Variants in PPP1R10 observed in about 807,000 individuals in gnomAD.
PPP1R10 encodes serine/threonine-protein phosphatase 1 regulatory subunit 10.
A neutral mutation model predicts 99.0 loss-of-function variants in PPP1R10; 15 were observed. The observed-to-expected ratio is 0.15, with a 90% CI of 0.10 to 0.23. The LOEUF (loss-of-function observed/expected upper bound fraction) is 0.23, where lower values mean the gene tolerates loss of function less well. Ranked by LOEUF, PPP1R10 falls within the 10% of genes least tolerant of loss-of-function variation. The pLI, the probability that PPP1R10 is intolerant of heterozygous loss-of-function variation, is 1.00. For synonymous variants in PPP1R10, 430 were observed against 449.5 expected (o/e 0.96, Z 0.55); for missense variants, 947 against 1,259.4 (o/e 0.75, Z 3.75).
At chr6:30,601,679 C>T in intron 19 of PPP1R10, 21 bp from the exon 20 acceptor site, 2 of 1,605,414 alleles carry the variant, frequency 1.2e-6, no homozygotes, top group Non-Finnish European at 1.7e-6. Context: ...GATGGCAAAA[C>T]AGTTAGACAG....
intron 2 of PPP1R10, among the ~76,000 whole-genome samples, chr6:30,615,283 G>T (rs529156615): frequency 1.4e-4 from 21 of 149,528 alleles, no homozygotes; most frequent in Non-Finnish European, 2.5e-4. Flanking sequence ...AATAATCTTT[G>T]ACCTATTTTG....
chr6:30,606,145 G>A lies in PPP1R10; in HGVS notation c.733C>T (p.Arg245Cys). 1 of 1,614,046 alleles carries A rather than the reference G, an allele frequency of 6.2e-7. No homozygotes were observed. The highest frequency in any genetic ancestry group is 8.5e-7 in the Non-Finnish European group (1 of 1,179,992). The change falls in exon 9 of 20, where the codon CGT becomes TGT. Residue 245 changes from arginine to cysteine, a missense_variant. This residue lies in a region of PPP1R10 where 92 missense variants were observed against 159.2 expected (regional missense o/e 0.58). Coordinates refer to ENST00000376511, the MANE Select transcript of PPP1R10 (RefSeq NM_002714.4). This position sits in a 1 kb window ranked among gnomAD's most constrained non-coding sequence, Gnocchi z 6.3. ...KYNLKPIPLK[R>C]QSNVAAPGDA... Reference sequence around the variant, plus strand: ...TGAGAATATGGTCCATACCTCTGACGTTTGAGGGGGATGGGTTTAAGGTTG... The same window carrying A: ...TGAGAATATGGTCCATACCTCTGACATTTGAGGGGGATGGGTTTAAGGTTG...
In PPP1R10 at chr6:30,609,274, C is replaced by A; in HGVS notation, c.108-111G>T. The A allele has an allele frequency of 1.1e-6, 1 of 952,166 alleles. No homozygotes were observed. Among genetic ancestry groups the A allele is most frequent in the Admixed American group, 2.0e-5 (1 of 49,188 alleles). 59.0% of individuals were successfully genotyped at this position (952,166 alleles called of 1,614,324 possible). Reference sequence around the variant, plus strand: ...TTCCTAATGACTTGGGACTTTGCTCCAGAGAAGGGGAGTCACATATACCTC... The same window carrying A: ...TTCCTAATGACTTGGGACTTTGCTCAAGAGAAGGGGAGTCACATATACCTC... On this transcript the variant is annotated intron_variant, in intron 3 of 19. Transcript: ENST00000376511. The surrounding 1 kb of genome is among the most constrained non-coding windows in gnomAD (Gnocchi z 4.5).
intron 2 of PPP1R10, among the ~76,000 whole-genome samples, chr6:30,610,526 GAAC>G (rs1404041468): frequency 1.3e-5 from 2 of 152,126 alleles, no homozygotes; most frequent in Non-Finnish European, 2.9e-5. Context: ...AGATGATGGA[GAAC>G]AAAACAAAAC....
At chr6:30,601,868 C>G (rs1319824415) in intron 19 of PPP1R10, 68 bp downstream of exon 19, 1 of 1,445,954 alleles carries the variant, frequency 6.9e-7, no homozygotes, top group Non-Finnish European at 9.1e-7. Context: ...AGTAGTGACT[C>G]TCACCCACTC....
chr6:30,613,532 A>T (rs1397122027), intron 2 of PPP1R10, among the ~76,000 whole-genome samples: 9 of 152,146 alleles, frequency 5.9e-5, no homozygotes, highest in Admixed American at 3.3e-4. Context: ...CCAAGTAGTA[A>T]GCCCCTACCC....
intron 14 of PPP1R10, 30 bp from the exon 15 acceptor site, chr6:30,603,873 A>G: frequency 6.6e-7 from 1 of 1,525,060 alleles, no homozygotes; most frequent in South Asian, 1.3e-5. Flanking sequence ...TGAGAGAAAA[A>G]AGAATGATAG....
chr6:30,607,957 A>G (rs1374745602), intron 5 of PPP1R10, 66 bp from the exon 6 acceptor site: 6 of 1,522,738 alleles, frequency 3.9e-6, no homozygotes, highest in East Asian at 2.3e-5. Flanking sequence ...TAGAGCTAAA[A>G]ACGACAAAAG....
At chr6:30,617,111 C>T (rs1184653590) in intron 1 of PPP1R10, 113 bp from the exon 2 acceptor site, 1 of 152,796 alleles carries the variant, frequency 6.5e-6, no homozygotes, top group East Asian at 1.9e-4. Context: ...ATCCTGATCG[C>T]AACCGCTTTA....
Position 30,601,418 on chromosome 6 carries a change from TG to T in PPP1R10, c.*130del. 1.4e-6 allele frequency: 1 copy of T among 703,652 alleles called. No individual in the cohort carries two copies. The highest frequency in any genetic ancestry group is 2.4e-6 in the Non-Finnish European group (1 of 415,724). The allele number at this position is 703,652 out of a possible 1,614,324, so 43.6% of individuals were successfully genotyped here. ...GAAAACCCCCAGGAACCCAAGCAAG[TG>T]GGAACTGAGGGGGCCGGCTCCTCAT... is the stretch of plus-strand genomic sequence containing the variant. On this transcript the variant is annotated 3_prime_UTR_variant, in exon 20 of 20. Transcript: ENST00000376511.
intron 2 of PPP1R10, among the ~76,000 whole-genome samples, chr6:30,610,595 C>T (rs1009267769): frequency 5.9e-5 from 9 of 152,262 alleles, no homozygotes; most frequent in African/African-American, 1.7e-4. Context: ...GAGATTGAGA[C>T]AAATGGATGC....
chr6:30,602,010 T>C lies in PPP1R10; in HGVS notation c.2639A>G (p.His880Arg). The C allele has an allele frequency of 1.3e-6, 2 of 1,528,740 alleles. No homozygotes were observed. The highest frequency in any genetic ancestry group is 1.8e-6 in the Non-Finnish European group (2 of 1,136,742). 94.7% of individuals were successfully genotyped at this position (1,528,740 alleles called of 1,614,324 possible). A position where few individuals can be genotyped will look rare whatever the true frequency, so the allele number is the denominator to read the frequency against. ...HDHRGPPPHE[H>R]RGHDGPGHGG... Reference sequence around the variant, plus strand: ...GTGGCCAGGACCATCATGGCCACGGTGCTCATGAGGTGGCGGCCCTCGATG... The same window carrying C: ...GTGGCCAGGACCATCATGGCCACGGCGCTCATGAGGTGGCGGCCCTCGATG... The change falls in exon 19 of 20, where the codon CAC becomes CGC. Residue 880 changes from histidine (H) to arginine (R), a missense_variant. Around this residue, in one of 10 missense-constraint regions of PPP1R10, gnomAD observed 525 missense variants for 578.8 expected, o/e 0.91. Transcript: ENST00000376511. This position sits in a 1 kb window ranked among gnomAD's most constrained non-coding sequence, Gnocchi z 6.7.
chr6:30,604,756 G>A lies in PPP1R10; in HGVS notation c.955-21C>T. On this transcript the variant is annotated intron_variant, in intron 11 of 19. Coordinates refer to ENST00000376511, the MANE Select transcript of PPP1R10 (RefSeq NM_002714.4). This position sits in a 1 kb window ranked among gnomAD's most constrained non-coding sequence, Gnocchi z 7.3. ...CTTGGCTATTGTGAAAGAAAAGGAA[G>A]TTAATGAACTGACTGGAAAGCCAAG... The A allele has an allele frequency of 6.2e-7, 1 of 1,612,858 alleles. No individual in the cohort carries two copies. Among genetic ancestry groups the A allele is most frequent in the South Asian group, 1.1e-5 (1 of 91,072 alleles).
At chr6:30,615,761 C>T (rs1303127164) in intron 2 of PPP1R10, among the ~76,000 whole-genome samples, 1 of 152,068 alleles carries the variant, frequency 6.6e-6, no homozygotes, top group African/African-American at 2.4e-5. Context: ...ATGCAATCTG[C>T]AACAATTATA....
rs765318146 is a variant in PPP1R10, at chr6:30,604,897, T to C, written c.954+97A>G. The C allele has an allele frequency of 2.6e-6, 4 of 1,515,634 alleles. No individual in the cohort carries two copies. In the South Asian group the frequency reaches 4.5e-5, roughly 17 times the overall value. The allele number at this position is 1,515,634 out of a possible 1,614,324, so 93.9% of individuals were successfully genotyped here. Reference sequence around the variant, plus strand: ...CAGTCTATATCCAAGGCAAAACGCCTCTTGTTGTCCTCCCCGACAACTCCT... The same window carrying C: ...CAGTCTATATCCAAGGCAAAACGCCCCTTGTTGTCCTCCCCGACAACTCCT... On this transcript the variant is annotated intron_variant, in intron 11 of 19. Transcript: ENST00000376511. The surrounding 1 kb of genome is among the most constrained non-coding windows in gnomAD (Gnocchi z 7.3).
In PPP1R10 at chr6:30,601,514, A is replaced by G; in HGVS notation, c.*35T>C. The G allele has an allele frequency of 6.4e-7, 1 of 1,571,638 alleles. No individual in the cohort carries two copies. Among genetic ancestry groups the G allele is most frequent in the Non-Finnish European group, 8.8e-7 (1 of 1,141,852 alleles). ...GGTGGAAAGAGCGAGGCTGCAGTCC[A>G]CAGGGGTTGTGTGAACAGGGCAGGC... On this transcript the variant is annotated 3_prime_UTR_variant, in exon 20 of 20. Transcript: ENST00000376511.
Position 30,603,789 on chromosome 6 carries a change from G to C in PPP1R10, c.1563C>G (p.Pro521=), listed in dbSNP as rs1356143709. 5 of 1,543,680 alleles carry C rather than the reference G, an allele frequency of 3.2e-6. No individual in the cohort carries two copies. In the South Asian group the frequency reaches 6.3e-5, roughly 19 times the overall value. ...PYEPIPPKLI[P]LDEECSMDET... ...CAGAACATTGACTTACCTCATCTAG[G>C]GGGATGAGTTTAGGGGGTATGGGCT... Residue 521 remains proline, a synonymous_variant, in exon 15 of 20, where the codon CCC becomes CCG. Coordinates refer to ENST00000376511, the MANE Select transcript of PPP1R10 (RefSeq NM_002714.4).
chr6:30,604,857 A>G lies in PPP1R10; in HGVS notation c.955-122T>C, dbSNP rs2127439807. 4.6e-6 allele frequency: 7 copies of G among 1,520,234 alleles called. No individual in the cohort carries two copies. In the East Asian group the frequency reaches 1.4e-4, roughly 29 times the overall value. 94.2% of individuals were successfully genotyped at this position (1,520,234 alleles called of 1,614,324 possible). A position where few individuals can be genotyped will look rare whatever the true frequency, so the allele number is the denominator to read the frequency against. The stretch of plus-strand genomic sequence containing the variant: ...TATAAAGGAAGACTCTGTCTCCACA[A>G]TGTCTCACCTGCACCAGTCTATATC... On this transcript the variant is annotated intron_variant, in intron 11 of 19. Transcript: ENST00000376511. This position sits in a 1 kb window ranked among gnomAD's most constrained non-coding sequence, Gnocchi z 7.3.
intron 2 of PPP1R10, among the ~76,000 whole-genome samples, chr6:30,615,626 T>C (rs537172190): frequency 1.3e-5 from 2 of 152,204 alleles, no homozygotes; most frequent in African/African-American, 2.4e-5. Flanking sequence ...TTGCACTAAA[T>C]GGCTTTTAAA....
Sources: gnomAD v4.1 joint callset for allele counts (sites outside exome capture counted in the v4.1 genomes callset) on GRCh38, gnomAD v4.1.1 for gene constraint, gnomAD v4.1.1 regional missense constraint, Gnocchi (gnomAD v3.1) non-coding constraint, MANE v1.5 for transcripts, NCBI Gene and HGNC (gene_info 2026-07-23, HGNC 2026-07-21) for gene names.